Variants in CNTNAP3B observed in about 807,000 individuals in gnomAD.
CNTNAP3B encodes the protein contactin-associated protein-like 3B.
In CNTNAP3B, 25 loss-of-function variants were observed where a neutral mutation model predicts 108.9. The ratio of observed to expected loss-of-function variants is 0.23; its 90% CI spans 0.17 to 0.32. The LOEUF (loss-of-function observed/expected upper bound fraction) is 0.32, where lower values mean the gene tolerates loss of function less well. Ranked by LOEUF, CNTNAP3B falls within the 10% of genes least tolerant of loss-of-function variation. The pLI, the probability that CNTNAP3B is intolerant of heterozygous loss-of-function variation, is 1.00. For synonymous variants in CNTNAP3B, 103 were observed against 473.4 expected (o/e 0.22, Z 10.16); for missense variants, 252 against 1,210.4 (o/e 0.21, Z 11.75).
chr9:41,956,081 A>G (rs1824848222), intron 12 of CNTNAP3B, among the ~76,000 whole-genome samples: 1 of 152,230 alleles, frequency 6.6e-6, no homozygotes, highest in Non-Finnish European at 1.5e-5. Context: ...TGAGAGTAAA[A>G]AAAAAAATAA....
Position 41,953,206 on chromosome 9 carries a change from G to C in CNTNAP3B, c.2057C>G (p.Thr686Arg). The part of the protein sequence containing the change: ...CEQRLALRCG[T>R]ARRPDSRDGT... ...ACCTCGTGAGTCCGGGCGCCGCGCT[G>C]TCCCGCAGCGCAGAGCCAGCCGCTG... Residue 686 changes from threonine (T) to arginine (R), a missense_variant, in exon 13 of 24, where the codon ACA becomes AGA. Coordinates refer to ENST00000377561, the MANE Select transcript of CNTNAP3B (RefSeq NM_001201380.3). 2.6e-6 allele frequency: 4 copies of C among 1,528,592 alleles called. No individual in the cohort carries two copies. Among genetic ancestry groups the C allele is most frequent in the South Asian group, 1.2e-5 (1 of 83,752 alleles). The allele number at this position is 1,528,592 out of a possible 1,614,324, so 94.7% of individuals were successfully genotyped here.
intron 3 of CNTNAP3B, among the ~76,000 whole-genome samples, chr9:42,030,536 T>C (rs1349639441): frequency 6.8e-5 from 3 of 44,394 alleles, no homozygotes; most frequent in South Asian, 1.6e-3. Context: ...AACTTAAGGG[T>C]GAGGGGCAGG....
intron 3 of CNTNAP3B, among the ~76,000 whole-genome samples, chr9:42,058,545 A>AT (rs1827123595): frequency 6.9e-6 from 1 of 143,996 alleles, no homozygotes; most frequent in Non-Finnish European, 1.5e-5. Flanking sequence ...TCTTTTGCCC[A>AT]TTTTTAAAAA....
chr9:42,046,514 G>T (rs1414809261), intron 3 of CNTNAP3B, among the ~76,000 whole-genome samples: 1 of 126,326 alleles, frequency 7.9e-6, no homozygotes, highest in Non-Finnish European at 1.7e-5. Flanking sequence ...AAATAAGGAA[G>T]ACAAGGTTTT....
intron 18 of CNTNAP3B, among the ~76,000 whole-genome samples, chr9:41,917,001 A>G (rs1823534471): frequency 6.6e-6 from 1 of 152,026 alleles, no homozygotes; most frequent in Non-Finnish European, 1.5e-5. Flanking sequence ...AGTTTTTAAT[A>G]AGATGTGTCT....
intron 13 of CNTNAP3B, among the ~76,000 whole-genome samples, chr9:41,941,313 C>G (rs904663787): frequency 1.4e-5 from 2 of 143,220 alleles, no homozygotes; most frequent in African/African-American, 5.2e-5. Context: ...ATAAGAAACT[C>G]ACTTCAAAAT....
chr9:42,034,186 G>GTATCTATCTGTCTATC (rs1826579813), intron 3 of CNTNAP3B, among the ~76,000 whole-genome samples: 1 of 124,270 alleles, frequency 8.0e-6, no homozygotes, highest in South Asian at 2.6e-4. Context: ...ATGTATATAT[G>GTATCTATCTGTCTATC]TATCTATCTA....
Position 42,104,513 on chromosome 9 carries a change from T to C in CNTNAP3B, c.196+116A>G. 5.6e-6 allele frequency: 3 copies of C among 533,580 alleles called. 1 individual carries two copies. Among genetic ancestry groups the C allele is most frequent in the South Asian group, 1.9e-5 (1 of 52,208 alleles). 33.1% of individuals were successfully genotyped at this position (533,580 alleles called of 1,614,324 possible). ...TTGGAGTTTCAAATGTGAACAAATA[T>C]GCTTATTCTGAATTTTACTTCCTTC... On this transcript the variant is annotated intron_variant, in intron 2 of 23. Coordinates refer to ENST00000377561, the MANE Select transcript of CNTNAP3B (RefSeq NM_001201380.3).
chr9:41,963,658 C>T (rs1409518921), intron 11 of CNTNAP3B, among the ~76,000 whole-genome samples: 1 of 151,730 alleles, frequency 6.6e-6, no homozygotes, highest in African/African-American at 2.4e-5. Flanking sequence ...TTGGGTAAGG[C>T]CTGAGAGTCT....
chr9:42,001,373 C>A (rs1826001894), intron 4 of CNTNAP3B, among the ~76,000 whole-genome samples: 1 of 129,718 alleles, frequency 7.7e-6, no homozygotes, highest in Non-Finnish European at 1.6e-5. Context: ...GTGCTTGTGT[C>A]ACTGCACCCC....
At chr9:41,967,068 T>G (rs1825301314) in intron 10 of CNTNAP3B, among the ~76,000 whole-genome samples, 2 of 149,946 alleles carry the variant, frequency 1.3e-5, no homozygotes, top group Admixed American at 1.3e-4. Context: ...GCTTAAAATT[T>G]TGACTAAAAA....
intron 3 of CNTNAP3B, among the ~76,000 whole-genome samples, chr9:42,058,266 T>C (rs1160290827): frequency 1.3e-5 from 2 of 152,178 alleles, no homozygotes; most frequent in South Asian, 2.1e-4. Flanking sequence ...TAATTCTATT[T>C]TTGATTTTTT....
chr9:41,997,292 G>A (rs1159288517), intron 6 of CNTNAP3B, among the ~76,000 whole-genome samples: 1 of 151,984 alleles, frequency 6.6e-6, no homozygotes, highest in Non-Finnish European at 1.5e-5. Flanking sequence ...ATATTCAAAT[G>A]AGTACATTTA....
chr9:42,059,948 A>G (rs1275910025), intron 3 of CNTNAP3B, among the ~76,000 whole-genome samples: 4 of 149,788 alleles, frequency 2.7e-5, no homozygotes, highest in African/African-American at 1.0e-4. Flanking sequence ...CTTTCTATAT[A>G]TAAGATCATG....
At chr9:41,947,443 G>T (rs1274485450) in intron 13 of CNTNAP3B, among the ~76,000 whole-genome samples, 1 of 151,910 alleles carries the variant, frequency 6.6e-6, no homozygotes, top group Non-Finnish European at 1.5e-5. Context: ...ATGCTTCAAA[G>T]AAATTTATTA....
In CNTNAP3B at chr9:42,125,002, T is replaced by G. The variant is rs958076353; in HGVS notation, c.85+4008A>C. Among the ~76,000 whole-genome samples, 49 of 133,230 alleles carry G rather than the reference T, an allele frequency of 3.7e-4. 5 individuals are homozygous for G. In the East Asian group the frequency reaches 0.011, roughly 29 times the overall value. 87.4% of individuals were successfully genotyped at this position (133,230 alleles called of 152,430 possible). A position where few individuals can be genotyped will look rare whatever the true frequency, so the allele number is the denominator to read the frequency against. On this transcript the variant is annotated intron_variant, in intron 1 of 23. Coordinates refer to ENST00000377561, the MANE Select transcript of CNTNAP3B (RefSeq NM_001201380.3). ...CACAATTTTGAATGGTTTTTTAAAGTAACCATTTGATTTTGAAACCAATTT... is the reference window on the plus strand; with the variant it reads ...CACAATTTTGAATGGTTTTTTAAAGGAACCATTTGATTTTGAAACCAATTT...
intron 13 of CNTNAP3B, among the ~76,000 whole-genome samples, chr9:41,944,591 A>G (rs1390578834): frequency 6.6e-6 from 1 of 152,158 alleles, no homozygotes; most frequent in Non-Finnish European, 1.5e-5. Flanking sequence ...AAAATGCTCA[A>G]TTAAAACAAA....
chr9:42,087,619 T>C (rs1349704815), intron 2 of CNTNAP3B, among the ~76,000 whole-genome samples: 1 of 144,012 alleles, frequency 6.9e-6, no homozygotes, highest in Non-Finnish European at 1.5e-5. Context: ...CCATGAGTAA[T>C]ATAGTTCACA....
intron 15 of CNTNAP3B, among the ~76,000 whole-genome samples, chr9:41,924,391 C>T (rs1285403477): frequency 2.0e-5 from 3 of 152,302 alleles, no homozygotes; most frequent in African/African-American, 4.8e-5. Flanking sequence ...TTCAGAATCA[C>T]CTCAAAGGTA....
Sources: gnomAD v4.1 joint callset for allele counts (sites outside exome capture counted in the v4.1 genomes callset) on GRCh38, gnomAD v4.1.1 for gene constraint, MANE v1.5 for transcripts, NCBI Gene and HGNC (gene_info 2026-07-23, HGNC 2026-07-21) for gene names.